SYN3: variants seen among roughly 807,000 people sequenced by gnomAD.
SYN3 encodes synapsin-3.
Under a neutral mutation model 65.8 loss-of-function variants are expected in SYN3, and 35 were observed. The ratio of observed to expected loss-of-function variants is 0.53; its 90% CI spans 0.41 to 0.70. The LOEUF (loss-of-function observed/expected upper bound fraction) is 0.70. Among genes scored for constraint, SYN3 ranks in the 30% least tolerant of loss-of-function variants. The probability of loss-of-function intolerance (pLI) is 0.00; values close to 1 mark genes in which losing one functional copy is unlikely to be tolerated. For missense variants in SYN3, 680 were observed against 749.0 expected (o/e 0.91, Z 1.08); for synonymous variants, 270 against 292.9 (o/e 0.92, Z 0.80).
intron 6 of SYN3, among the ~76,000 whole-genome samples, chr22:32,730,924 G>GT (rs1421080524): frequency 6.6e-6 from 1 of 152,098 alleles, no homozygotes; most frequent in Non-Finnish European, 1.5e-5. Flanking sequence ...CTGTCACCCT[G>GT]TATGTGTCAC....
At chr22:32,816,350 A>C (rs2047088207) in intron 6 of SYN3, among the ~76,000 whole-genome samples, 1 of 152,182 alleles carries the variant, frequency 6.6e-6, no homozygotes. Flanking sequence ...ACATGGGTGA[A>C]ATACAGGAAT....
rs2145906525 is a variant in SYN3, at chr22:33,033,517, A to G, written c.-163+24775T>C. The stretch of plus-strand genomic sequence containing the variant: ...CATTATCCCACGGTATTTTCTGTTT[A>G]GCCAGAGGGCTTTATTTCCTGTCAG... On this transcript the variant is annotated intron_variant, in intron 1 of 13. Coordinates refer to ENST00000358763, the MANE Select transcript of SYN3 (RefSeq NM_003490.4). 1.3e-5 allele frequency among the ~76,000 whole-genome samples: 2 copies of G among 152,158 alleles called. 1 individual carries two copies. Among genetic ancestry groups the G allele is most frequent in the South Asian group, 4.1e-4 (2 of 4,820 alleles).
At chr22:32,970,161 G>T (rs1171586159) in intron 3 of SYN3, among the ~76,000 whole-genome samples, 2 of 152,134 alleles carry the variant, frequency 1.3e-5, no homozygotes, top group Non-Finnish European at 2.9e-5. Flanking sequence ...AGTGCTTCAT[G>T]CAGTCTTATA....
intron 2 of SYN3, among the ~76,000 whole-genome samples, chr22:32,985,603 C>G (rs941018941): frequency 1.9e-4 from 29 of 152,172 alleles, no homozygotes; most frequent in Admixed American, 8.5e-4. Flanking sequence ...TACCCAAACT[C>G]TAGAGGGAAG....
At chr22:32,753,543 C>CTGGGCTT (rs1240017612) in intron 6 of SYN3, among the ~76,000 whole-genome samples, 21 of 151,884 alleles carry the variant, frequency 1.4e-4, no homozygotes, top group African/African-American at 4.8e-4. Flanking sequence ...CCACCAGAGA[C>CTGGGCTT]CTTCACTGGC....
chr22:32,527,465 C>T (rs776828054), intron 12 of SYN3, among the ~76,000 whole-genome samples: 2 of 151,904 alleles, frequency 1.3e-5, no homozygotes, highest in Non-Finnish European at 2.9e-5. Flanking sequence ...CTGGGCGTGG[C>T]GGTGTGCACC....
intron 6 of SYN3, chr22:32,629,620 T>G: frequency 6.6e-6 from 1 of 152,236 alleles, no homozygotes; most frequent in East Asian, 1.9e-4. Flanking sequence ...TTTCTTGTCT[T>G]TCACAGGTTT....
chr22:32,767,874 T>C (rs1037515573), intron 6 of SYN3, among the ~76,000 whole-genome samples: 1 of 152,170 alleles, frequency 6.6e-6, no homozygotes, highest in Admixed American at 6.5e-5. Flanking sequence ...CTCATGACTT[T>C]AAATATAATC....
chr22:32,919,235 TCTCCA>T (rs755713856), intron 4 of SYN3, among the ~76,000 whole-genome samples: 10 of 152,250 alleles, frequency 6.6e-5, no homozygotes, highest in Non-Finnish European at 1.5e-4. Flanking sequence ...TCTGTTTTCC[TCTCCA>T]CTCAAGTCAC....
chr22:32,522,477 A>G (rs576005106), intron 12 of SYN3, among the ~76,000 whole-genome samples: 15 of 152,238 alleles, frequency 9.9e-5, no homozygotes, highest in African/African-American at 3.6e-4. Flanking sequence ...AGGGGAAAGG[A>G]GGGTGTGGGG....
intron 3 of SYN3, among the ~76,000 whole-genome samples, chr22:32,960,543 G>A (rs962505289): frequency 6.6e-6 from 1 of 152,178 alleles, no homozygotes; most frequent in Non-Finnish European, 1.5e-5. Flanking sequence ...CCTTCTAGGG[G>A]ACTGTGAGTG....
intron 7 of SYN3, among the ~76,000 whole-genome samples, chr22:32,550,324 T>C (rs1229372972): frequency 6.6e-6 from 1 of 150,464 alleles, no homozygotes; most frequent in Non-Finnish European, 1.5e-5. Flanking sequence ...TGATCAGTAA[T>C]TGGCACATGG....
At chr22:32,766,646 C>T (rs999362437) in intron 6 of SYN3, among the ~76,000 whole-genome samples, 1 of 152,168 alleles carries the variant, frequency 6.6e-6, no homozygotes, top group Non-Finnish European at 1.5e-5. Flanking sequence ...TCCCCACCTC[C>T]GTGAGCCCTT....
chr22:32,840,666 T>G (rs1359095671), intron 6 of SYN3, among the ~76,000 whole-genome samples: 1 of 151,880 alleles, frequency 6.6e-6, no homozygotes, highest in African/African-American at 2.4e-5. Flanking sequence ...CCAGATCAGA[T>G]CCAGACTTCT....
chr22:32,734,872 T>G (rs1318861421), intron 6 of SYN3, among the ~76,000 whole-genome samples: 2 of 152,198 alleles, frequency 1.3e-5, no homozygotes, highest in Non-Finnish European at 2.9e-5. Context: ...CAATTCAATG[T>G]TGCTTCTCAG....
chr22:32,895,732 G>C (rs944417537), intron 4 of SYN3, among the ~76,000 whole-genome samples: 1 of 152,098 alleles, frequency 6.6e-6, no homozygotes, highest in Admixed American at 6.5e-5. Context: ...TTACACAATG[G>C]CCTTAAATGA....
chr22:33,024,274 C>T (rs192193771), intron 1 of SYN3, among the ~76,000 whole-genome samples: 1 of 152,194 alleles, frequency 6.6e-6, no homozygotes, highest in Non-Finnish European at 1.5e-5. Flanking sequence ...CCATCACAGA[C>T]CTATGGCTTT....
At chr22:32,681,745 A>C (rs1394906973) in intron 6 of SYN3, among the ~76,000 whole-genome samples, 1 of 152,254 alleles carries the variant, frequency 6.6e-6, no homozygotes, top group Non-Finnish European at 1.5e-5. Context: ...ACATTAGTGG[A>C]TATAGCAAAC....
chr22:32,826,937 AT>A (rs1241524770), intron 6 of SYN3, among the ~76,000 whole-genome samples: 1 of 152,144 alleles, frequency 6.6e-6, no homozygotes, highest in Non-Finnish European at 1.5e-5. Flanking sequence ...CAGAGACAGG[AT>A]TTGAATCCAA....
Sources: gnomAD v4.1 joint callset for allele counts (sites outside exome capture counted in the v4.1 genomes callset) on GRCh38, gnomAD v4.1.1 for gene constraint, MANE v1.5 for transcripts, NCBI Gene and HGNC (gene_info 2026-07-23, HGNC 2026-07-21) for gene names.